Variants in PIK3R4 observed in about 807,000 individuals in gnomAD.
PIK3R4 encodes the protein phosphoinositide-3-kinase regulatory subunit 4.
PIK3R4 carries 46 observed loss-of-function variants against 136.5 expected under a neutral mutation model. The ratio of observed to expected loss-of-function variants is 0.34; its 90% CI spans 0.27 to 0.43. The LOEUF is 0.43. Among genes scored for constraint, PIK3R4 ranks in the 20% least tolerant of loss-of-function variants. The pLI, the probability that PIK3R4 is intolerant of heterozygous loss-of-function variation, is 1.00. For synonymous variants in PIK3R4, 557 were observed against 566.7 expected (o/e 0.98, Z 0.24); for missense variants, 1,331 against 1,649.5 (o/e 0.81, Z 3.35).
rs536671110 is a variant in PIK3R4 at position 130,706,180 on chromosome 3, G to A, written c.2722-409C>T. ...CTTATTTCAAATACAGATGCTCCTC[G>A]ACTTACAATGGCATTACATCCCAAA... On this transcript the variant is annotated intron_variant, in intron 11 of 19. Coordinates refer to ENST00000356763, the MANE Select transcript of PIK3R4 (RefSeq NM_014602.3). Among the ~76,000 whole-genome samples, 5 of 151,922 alleles carry A rather than the reference G, an allele frequency of 3.3e-5. No individual in the cohort carries two copies. In the East Asian group the frequency reaches 9.7e-4, roughly 29 times the overall value.
At chr3:130,681,136 G>C in intron 17 of PIK3R4, 71 bp from the exon 18 acceptor site, 3 of 895,600 alleles carry the variant, frequency 3.3e-6, no homozygotes, top group African/African-American at 1.7e-5. Context: ...GCTATTTCTA[G>C]AGGCAAGTTA....
intron 14 of PIK3R4, 25 bp from the exon 15 acceptor site, chr3:130,686,447 C>T (rs754766876): frequency 1.1e-5 from 16 of 1,408,824 alleles, no homozygotes; most frequent in South Asian, 4.6e-5. Flanking sequence ...AAAGCACAGA[C>T]GTTTCCAGTC....
intron 13 of PIK3R4, among the ~76,000 whole-genome samples, chr3:130,699,890 A>G (rs959339229): frequency 1.3e-5 from 2 of 152,172 alleles, no homozygotes; most frequent in African/African-American, 4.8e-5. Context: ...CTTCCTTAGG[A>G]TATGTACATC....
At chr3:130,729,359 A>C (rs1451385481) in intron 5 of PIK3R4, among the ~76,000 whole-genome samples, 1 of 152,190 alleles carries the variant, frequency 6.6e-6, no homozygotes, top group Non-Finnish European at 1.5e-5. Context: ...AATCTTTAAC[A>C]ATTATCTGTG....
At chr3:130,688,986 C>G (rs2066502409) in intron 14 of PIK3R4, among the ~76,000 whole-genome samples, 2 of 152,138 alleles carry the variant, frequency 1.3e-5, no homozygotes, top group Non-Finnish European at 2.9e-5. Context: ...TAATTTTGAC[C>G]ATATTTTCCC....
intron 8 of PIK3R4, among the ~76,000 whole-genome samples, chr3:130,717,185 A>T (rs2107612883): frequency 1.3e-5 from 2 of 151,480 alleles, no homozygotes; most frequent in South Asian, 4.2e-4. Context: ...CTGTGACTCT[A>T]GCAAAAGAAC....
chr3:130,707,189 T>C (rs1456056633), intron 10 of PIK3R4, 54 bp from the exon 11 acceptor site: 35 of 1,315,296 alleles, frequency 2.7e-5, no homozygotes, highest in Non-Finnish European at 3.1e-5. Flanking sequence ...AAAACCATTA[T>C]GTGCTTTTAT....
intron 7 of PIK3R4, among the ~76,000 whole-genome samples, chr3:130,720,810 C>T (rs1046055558): frequency 2.0e-5 from 3 of 152,108 alleles, no homozygotes; most frequent in Admixed American, 1.3e-4. Context: ...TTCACATAAC[C>T]CATGTCAACA....
chr3:130,695,149 TTAC>T, intron 13 of PIK3R4, among the ~76,000 whole-genome samples: 1 of 152,260 alleles, frequency 6.6e-6, no homozygotes, highest in East Asian at 1.9e-4. Flanking sequence ...ATATTATTTT[TTAC>T]ATGTTGGATT....
rs1484367649 is a variant in PIK3R4, at chr3:130,684,265, A to C, written c.3592T>G (p.Ser1198Ala). 1.2e-6 allele frequency: 2 copies of C among 1,613,388 alleles called. No homozygotes were observed. Among genetic ancestry groups the C allele is most frequent in the Non-Finnish European group, 1.7e-6 (2 of 1,179,430 alleles). The change falls in exon 16 of 20, where the codon TCC becomes GCC. Residue 1198 changes from serine to alanine, a missense_variant. This residue lies in a region of PIK3R4 where 1,180 missense variants were observed against 1,407.0 expected (regional missense o/e 0.84). Coordinates refer to ENST00000356763, the MANE Select transcript of PIK3R4 (RefSeq NM_014602.3). ...TCCATCTTACCTGCAATCACCCAGG[A>C]CTGATACAGAGGGTGCATTGAGAGG... Reference protein sequence around the residue: ...RRLSMHPLYQSWVIAAVQGNN... With the variant: ...RRLSMHPLYQAWVIAAVQGNN...
At chr3:130,720,037 C>T (rs1008064629) in intron 7 of PIK3R4, among the ~76,000 whole-genome samples, 5 of 151,978 alleles carry the variant, frequency 3.3e-5, no homozygotes, top group East Asian at 1.9e-4. Flanking sequence ...AGGTGCATGA[C>T]GAAAAATTTA....
At chr3:130,684,181 T>C in intron 16 of PIK3R4, 69 bp downstream of exon 16, 1 of 1,407,448 alleles carries the variant, frequency 7.1e-7, no homozygotes, top group Non-Finnish European at 9.9e-7. Context: ...AACATGAGTT[T>C]TGGCAACAGG....
chr3:130,700,778 A>G (rs1166717267), intron 13 of PIK3R4, among the ~76,000 whole-genome samples: 2 of 152,322 alleles, frequency 1.3e-5, no homozygotes, highest in East Asian at 3.9e-4. Flanking sequence ...GGCTCTGGCA[A>G]TAAGAATTGC....
intron 3 of PIK3R4, among the ~76,000 whole-genome samples, chr3:130,734,599 C>T (rs567798499): frequency 6.6e-6 from 1 of 152,304 alleles, no homozygotes; most frequent in Admixed American, 6.5e-5. Flanking sequence ...GCCACAAGTG[C>T]AAAGGAATCT....
intron 9 of PIK3R4, among the ~76,000 whole-genome samples, chr3:130,711,611 C>T (rs115708106): frequency 1.6e-3 from 238 of 152,312 alleles, no homozygotes; most frequent in African/African-American, 5.3e-3. Context: ...TCTTAATATA[C>T]ACAAAGCATC....
At chr3:130,726,653 T>C (rs2066733805) in intron 6 of PIK3R4, among the ~76,000 whole-genome samples, 2 of 152,170 alleles carry the variant, frequency 1.3e-5, no homozygotes, top group African/African-American at 4.8e-5. Context: ...GTAGGATTAA[T>C]GGTCATTTAT....
intron 4 of PIK3R4, among the ~76,000 whole-genome samples, chr3:130,731,059 G>C (rs2107618682): frequency 6.6e-6 from 1 of 152,250 alleles, no homozygotes; most frequent in Admixed American, 6.5e-5. Context: ...TTCTCTTTCT[G>C]ATGACCTACA....
intron 9 of PIK3R4, among the ~76,000 whole-genome samples, chr3:130,708,858 A>G (rs2066619442): frequency 6.6e-6 from 1 of 152,122 alleles, no homozygotes; most frequent in Non-Finnish European, 1.5e-5. Flanking sequence ...TGTGAACAAA[A>G]CTCTGAATGT....
chr3:130,717,599 A>G (rs1440532355), intron 8 of PIK3R4, among the ~76,000 whole-genome samples: 1 of 152,202 alleles, frequency 6.6e-6, no homozygotes, highest in Non-Finnish European at 1.5e-5. Flanking sequence ...GAATGAATCT[A>G]TGAAGAAAAG....
Sources: allele counts gnomAD v4.1 joint callset (sites outside exome capture counted in the v4.1 genomes callset), GRCh38; gene constraint gnomAD v4.1.1; regional missense constraint gnomAD v4.1.1; transcripts MANE v1.5; gene names NCBI Gene and HGNC (gene_info 2026-07-23, HGNC 2026-07-21).